Variants in MYO1D observed in about 807,000 individuals in gnomAD.
MYO1D encodes the protein myosin ID, also known as unconventional myosin-Id.
A neutral mutation model predicts 122.0 loss-of-function variants in MYO1D; 83 were observed. The ratio of observed to expected loss-of-function variants is 0.68; its 90% CI spans 0.57 to 0.82. MYO1D has a LOEUF of 0.82. Among genes scored for constraint, MYO1D ranks in the 40% least tolerant of loss-of-function variants. The probability of loss-of-function intolerance (pLI) is 0.00; values close to 1 mark genes in which losing one functional copy is unlikely to be tolerated. For synonymous variants in MYO1D, 464 were observed against 446.9 expected (o/e 1.04, Z -0.48); for missense variants, 1,157 against 1,269.5 (o/e 0.91, Z 1.35).
At chr17:32,556,976 C>T (rs540599234) in intron 21 of MYO1D, among the ~76,000 whole-genome samples, 17 of 152,170 alleles carry the variant, frequency 1.1e-4, no homozygotes, top group African/African-American at 3.9e-4. Context: ...ACATATTTTA[C>T]AGACAAATGA....
intron 1 of MYO1D, among the ~76,000 whole-genome samples, chr17:32,798,255 G>A (rs1415845076): frequency 6.6e-6 from 1 of 152,050 alleles, no homozygotes. Flanking sequence ...ATTAATGAAG[G>A]GCCAGACACC....
intron 21 of MYO1D, among the ~76,000 whole-genome samples, chr17:32,543,565 C>A (rs575155817): frequency 1.0e-4 from 7 of 69,066 alleles, no homozygotes; most frequent in African/African-American, 4.8e-4. Flanking sequence ...AACATCAAGA[C>A]TCTGTCTCAA....
chr17:32,766,777 G>A (rs2090063020), intron 7 of MYO1D, among the ~76,000 whole-genome samples: 1 of 149,902 alleles, frequency 6.7e-6, no homozygotes, highest in Admixed American at 6.7e-5. Flanking sequence ...GGGTGACAGA[G>A]CGAGATTCCA....
intron 2 of MYO1D, among the ~76,000 whole-genome samples, chr17:32,779,027 A>G (rs2090208758): frequency 6.6e-6 from 1 of 152,222 alleles, no homozygotes; most frequent in South Asian, 2.1e-4. Flanking sequence ...AATTAAGGTT[A>G]GAGTAATTTT....
intron 21 of MYO1D, chr17:32,519,199 G>T (rs1910011099): frequency 6.6e-6 from 1 of 152,474 alleles, no homozygotes; most frequent in Non-Finnish European, 1.5e-5. Context: ...GGCCGCCCAG[G>T]TGAGGGAAGC....
intron 1 of MYO1D, among the ~76,000 whole-genome samples, chr17:32,864,007 C>CTTTTCTTTTTTTTTTTTTTTTTTTT (rs2091100932): frequency 6.1e-5 from 3 of 48,960 alleles, no homozygotes; most frequent in African/African-American, 2.1e-4. Flanking sequence ...ACATTTCTTC[C>CTTTTCTTTTTTTTTTTTTTTTTTTT]TTTTTTTTTT....
chr17:32,844,725 TAAAAAA>T (rs1217428599), intron 1 of MYO1D, among the ~76,000 whole-genome samples: 1 of 151,804 alleles, frequency 6.6e-6, no homozygotes, highest in African/African-American at 2.4e-5. Flanking sequence ...ACCCTATCTC[TAAAAAA>T]ACAATGTATA....
intron 21 of MYO1D, among the ~76,000 whole-genome samples, chr17:32,539,788 G>T (rs1910782705): frequency 6.6e-6 from 1 of 152,176 alleles, no homozygotes; most frequent in African/African-American, 2.4e-5. Flanking sequence ...CTAGGGATTA[G>T]AACATGAACA....
intron 4 of MYO1D, among the ~76,000 whole-genome samples, chr17:32,774,224 C>T (rs1487610244): frequency 6.6e-6 from 1 of 152,186 alleles, no homozygotes; most frequent in Non-Finnish European, 1.5e-5. Flanking sequence ...CTTTATCCGA[C>T]CTCTCCCAAA....
intron 19 of MYO1D, among the ~76,000 whole-genome samples, chr17:32,640,458 A>C (rs1020839741): frequency 7.2e-6 from 1 of 138,992 alleles, no homozygotes. Flanking sequence ...TATATCTCCC[A>C]ATGCTATCCC....
intron 16 of MYO1D, among the ~76,000 whole-genome samples, chr17:32,666,944 G>A (rs1567938520): frequency 1.3e-5 from 2 of 152,198 alleles, no homozygotes; most frequent in Non-Finnish European, 2.9e-5. Context: ...CCCCCTATGG[G>A]GATCTTCGAG....
At chr17:32,560,981 G>A (rs1188764341) in intron 21 of MYO1D, among the ~76,000 whole-genome samples, 2 of 146,742 alleles carry the variant, frequency 1.4e-5, no homozygotes, top group Non-Finnish European at 1.5e-5. Flanking sequence ...GTGTGATCTC[G>A]ATTCACTGCT....
chr17:32,819,234 T>C (rs1259142345), intron 1 of MYO1D, among the ~76,000 whole-genome samples: 2 of 149,874 alleles, frequency 1.3e-5, no homozygotes, highest in Admixed American at 1.3e-4. Context: ...GTCTGGATAG[T>C]GTGATTGCAA....
intron 1 of MYO1D, among the ~76,000 whole-genome samples, chr17:32,872,081 T>C (rs1439087314): frequency 6.6e-6 from 1 of 151,830 alleles, no homozygotes; most frequent in Non-Finnish European, 1.5e-5. Flanking sequence ...CCCTTGGAAA[T>C]TGGAATGAGG....
chr17:32,807,999 A>G (rs1178458100), intron 1 of MYO1D, among the ~76,000 whole-genome samples: 3 of 152,172 alleles, frequency 2.0e-5, no homozygotes, highest in African/African-American at 7.2e-5. Context: ...TGTGGTTGCT[A>G]TTGTTACTAT....
chr17:32,870,850 T>C (rs528877807), intron 1 of MYO1D, among the ~76,000 whole-genome samples: 28 of 152,314 alleles, frequency 1.8e-4, no homozygotes, highest in South Asian at 1.5e-3. Context: ...TTAAAGGTGG[T>C]TGCCCCCAAG....
chr17:32,731,390 G>T (rs2089637440), intron 14 of MYO1D, among the ~76,000 whole-genome samples: 1 of 151,854 alleles, frequency 6.6e-6, no homozygotes, highest in Non-Finnish European at 1.5e-5. Context: ...CTAGTTGCTT[G>T]TTCTCTCTCA....
At chr17:32,620,369 T>G (rs321150) in intron 20 of MYO1D, among the ~76,000 whole-genome samples, 78,581 of 152,058 alleles carry the variant, frequency 0.52, 21,196 homozygotes, top group African/African-American at 0.67. Flanking sequence ...TTCCCCCTGG[T>G]GCTTTTCTGG....
At chr17:32,828,929 A>G (rs1017774414) in intron 1 of MYO1D, among the ~76,000 whole-genome samples, 4 of 152,202 alleles carry the variant, frequency 2.6e-5, no homozygotes, top group African/African-American at 7.2e-5. Flanking sequence ...ACCTGCTTAA[A>G]GCCACACTAT....
Sources: allele counts gnomAD v4.1 joint callset (sites outside exome capture counted in the v4.1 genomes callset), GRCh38; gene constraint gnomAD v4.1.1; transcripts MANE v1.5; gene names NCBI Gene and HGNC (gene_info 2026-07-23, HGNC 2026-07-21).